TXNDC12: variants seen among roughly 807,000 people sequenced by gnomAD.
The protein encoded by TXNDC12 is thioredoxin domain containing 12, also known as thioredoxin domain-containing protein 12.
TXNDC12 carries 22 observed loss-of-function variants against 24.2 expected under a neutral mutation model. The ratio of observed to expected loss-of-function variants is 0.91; its 90% CI spans 0.65 to 1.30. TXNDC12 has a LOEUF of 1.30. Among genes scored for constraint, TXNDC12 ranks in the 50% most tolerant of loss-of-function variants. The pLI, the probability that TXNDC12 is intolerant of heterozygous loss-of-function variation, is 0.00. For synonymous variants in TXNDC12, 58 were observed against 73.4 expected (o/e 0.79, Z 1.07); for missense variants, 184 against 205.8 (o/e 0.89, Z 0.65).
In TXNDC12 at chr1:52,024,470, T is replaced by C. The variant is rs556648322; in HGVS notation, c.355+40A>G. 1.3e-5 allele frequency: 20 copies of C among 1,492,330 alleles called. No homozygotes were observed. The Admixed American group carries it at 2.7e-4, about 20-fold the overall frequency. The allele number at this position is 1,492,330 out of a possible 1,614,324, so 92.4% of individuals were successfully genotyped here. A position where few individuals can be genotyped will look rare whatever the true frequency, so the allele number is the denominator to read the frequency against. ...GTGCCTTGATTCATTTCTCTCTCCA[T>C]CCACATCATGGATTCCCAGGTTAAG... On this transcript the variant is annotated intron_variant, in intron 5 of 6. Coordinates refer to ENST00000371626, the MANE Select transcript of TXNDC12 (RefSeq NM_015913.4).
chr1:52,041,168 T>C (rs1326064372), intron 2 of TXNDC12, among the ~76,000 whole-genome samples: 1 of 151,796 alleles, frequency 6.6e-6, no homozygotes, highest in African/African-American at 2.4e-5. Context: ...CCGTCTCTAC[T>C]AAAAATACAA....
At chr1:52,022,400 T>C (rs1685610427) in intron 6 of TXNDC12, among the ~76,000 whole-genome samples, 1 of 152,146 alleles carries the variant, frequency 6.6e-6, no homozygotes, top group African/African-American at 2.4e-5. Flanking sequence ...CCTTCACTTG[T>C]TTGTGCTGGT....
chr1:52,027,659 T>C (rs1276106927), intron 3 of TXNDC12, among the ~76,000 whole-genome samples: 1 of 151,754 alleles, frequency 6.6e-6, no homozygotes, highest in Non-Finnish European at 1.5e-5. Flanking sequence ...TCAAAAACCA[T>C]TGACATGAAA....
intron 3 of TXNDC12, among the ~76,000 whole-genome samples, chr1:52,028,139 T>G (rs78041227): frequency 0.013 from 1,929 of 151,998 alleles, 17 homozygotes; most frequent in Non-Finnish European, 0.02. Flanking sequence ...ATACTATTTT[T>G]TACACTCCTT....
chr1:52,022,374 T>C (rs1306385299), intron 6 of TXNDC12, among the ~76,000 whole-genome samples: 1 of 152,192 alleles, frequency 6.6e-6, no homozygotes, highest in Non-Finnish European at 1.5e-5. Flanking sequence ...CATGACTGGC[T>C]GACGATTGCA....
chr1:52,044,880 TAGG>T (rs886223430), intron 1 of TXNDC12, among the ~76,000 whole-genome samples: 1 of 151,422 alleles, frequency 6.6e-6, no homozygotes, highest in Non-Finnish European at 1.5e-5. Context: ...GAGGCTGAAG[TAGG>T]AGAATTGCTT....
chr1:52,020,654 T>C lies in TXNDC12; in HGVS notation c.*279A>G, dbSNP rs1685579510. On this transcript the variant is annotated 3_prime_UTR_variant, in exon 7 of 7. Coordinates refer to ENST00000371626, the MANE Select transcript of TXNDC12 (RefSeq NM_015913.4). ...GGAGTAAACATCCAAGTGGCTCAAG[T>C]TTTGTGTCAGAAGGTTTCATTCTTT... The C allele has an allele frequency of 1.2e-5, 5 of 410,780 alleles. No individual in the cohort carries two copies. The highest frequency in any genetic ancestry group is 2.2e-5 in the Non-Finnish European group (5 of 230,222). 25.4% of individuals were successfully genotyped at this position (410,780 alleles called of 1,614,324 possible).
chr1:52,030,050 A>G (rs1212046981), intron 2 of TXNDC12, among the ~76,000 whole-genome samples: 1 of 152,166 alleles, frequency 6.6e-6, no homozygotes, highest in Non-Finnish European at 1.5e-5. Flanking sequence ...GAGATGCTCA[A>G]TAGAGTAAAT....
At chr1:52,045,121 C>A (rs938339011) in intron 1 of TXNDC12, among the ~76,000 whole-genome samples, 1 of 152,146 alleles carries the variant, frequency 6.6e-6, no homozygotes, top group South Asian at 2.1e-4. Context: ...CATTGAAGAA[C>A]CTTAAACATA....
intron 2 of TXNDC12, chr1:52,032,654 G>A: frequency 6.5e-7 from 1 of 1,546,446 alleles, no homozygotes; most frequent in Non-Finnish European, 8.7e-7. Flanking sequence ...AAATAAAGTG[G>A]AGTGGAGATC....
At chr1:52,038,660 T>C (rs1273815216) in intron 2 of TXNDC12, among the ~76,000 whole-genome samples, 1 of 152,168 alleles carries the variant, frequency 6.6e-6, no homozygotes, top group African/African-American at 2.4e-5. Context: ...AAACCATCAT[T>C]TGTTGTCATT....
At chr1:52,053,277 A>T (rs1686255258) in intron 1 of TXNDC12, among the ~76,000 whole-genome samples, 1 of 152,038 alleles carries the variant, frequency 6.6e-6, no homozygotes, top group African/African-American at 2.4e-5. Flanking sequence ...AAGCAAACAA[A>T]CAAACAGAAA....
At chr1:52,035,258 T>C (rs146096176) in intron 2 of TXNDC12, among the ~76,000 whole-genome samples, 32 of 152,294 alleles carry the variant, frequency 2.1e-4, no homozygotes, top group African/African-American at 5.8e-4. Context: ...TCTTGTACAG[T>C]ATAGTAAAAA....
chr1:52,027,348 G>A lies in TXNDC12; in HGVS notation c.212C>T (p.Ala71Val). ...AGATTCTGCAAATTTGGGCTTTAGA[G>A]CTGGGGGGAAAAAGATTTTGGAATA... is the stretch of plus-strand genomic sequence containing the variant. ...IHKSWCGACK[A>V]LKPKFAESTE... The change falls in exon 4 of 7, where the codon GCT becomes GTT. Residue 71 changes from alanine to valine, a missense_variant and splice_region_variant. Physicochemically the swap from Ala to Val is moderately conservative, Grantham distance 64. Coordinates refer to ENST00000371626, the MANE Select transcript of TXNDC12 (RefSeq NM_015913.4). The A allele has an allele frequency of 1.2e-6, 2 of 1,610,808 alleles. No homozygotes were observed. Among genetic ancestry groups the A allele is most frequent in the South Asian group, 1.1e-5 (1 of 90,880 alleles).
intron 1 of TXNDC12, among the ~76,000 whole-genome samples, chr1:52,047,055 A>C (rs1257508935): frequency 6.6e-6 from 1 of 151,876 alleles, no homozygotes; most frequent in African/African-American, 2.4e-5. Context: ...AAAGAAAAGA[A>C]TTTTGCTGTA....
At chr1:52,038,632 C>A (rs1029852727) in intron 2 of TXNDC12, among the ~76,000 whole-genome samples, 1 of 152,100 alleles carries the variant, frequency 6.6e-6, no homozygotes. Context: ...TTAAGCCAAA[C>A]CTCTTTCTAA....
At chr1:52,046,213 C>G in intron 1 of TXNDC12, among the ~76,000 whole-genome samples, 1 of 143,324 alleles carries the variant, frequency 7.0e-6, no homozygotes, top group Non-Finnish European at 1.5e-5. Context: ...AAAAAAAAGA[C>G]ACAGTTTGTG....
At chr1:52,032,771 T>G (rs1405540783) in intron 2 of TXNDC12, 1 of 1,614,154 alleles carries the variant, frequency 6.2e-7, no homozygotes, top group Admixed American at 1.7e-5. Context: ...TTGGGATGCA[T>G]TTTAGTGTAC....
At chr1:52,025,729 AT>A (rs369220217) in intron 4 of TXNDC12, among the ~76,000 whole-genome samples, 194 of 152,310 alleles carry the variant, frequency 1.3e-3, no homozygotes, top group African/African-American at 4.6e-3. Flanking sequence ...CATTCAGGCT[AT>A]CCCCTAGCTA....
Sources: gnomAD v4.1 joint callset for allele counts (sites outside exome capture counted in the v4.1 genomes callset) on GRCh38, gnomAD v4.1.1 for gene constraint, MANE v1.5 for transcripts, NCBI Gene and HGNC (gene_info 2026-07-23, HGNC 2026-07-21) for gene names.